DCC: variants seen among roughly 807,000 people sequenced by gnomAD.
DCC encodes netrin receptor DCC.
DCC carries 58 observed loss-of-function variants against 172.5 expected under a neutral mutation model. The ratio of observed to expected loss-of-function variants is 0.34; its 90% CI spans 0.27 to 0.42. The LOEUF (loss-of-function observed/expected upper bound fraction) is 0.42, where lower values mean the gene tolerates loss of function less well. Among genes scored for constraint, DCC ranks in the 10% least tolerant of loss-of-function variants. The pLI, the probability that DCC is intolerant of heterozygous loss-of-function variation, is 1.00. For missense variants in DCC, 1,740 were observed against 1,791.0 expected (o/e 0.97, Z 0.51); for synonymous variants, 709 against 644.5 (o/e 1.10, Z -1.52).
chr18:53,051,654 T>C (rs2042335634), intron 5 of DCC, among the ~76,000 whole-genome samples: 1 of 152,150 alleles, frequency 6.6e-6, no homozygotes, highest in Non-Finnish European at 1.5e-5. Context: ...ATTACTCCAT[T>C]GTATTCTGAT....
chr18:52,467,266 A>C (rs2144552511), intron 1 of DCC, among the ~76,000 whole-genome samples: 1 of 151,774 alleles, frequency 6.6e-6, no homozygotes, highest in South Asian at 2.1e-4. Context: ...CTCATTGTTC[A>C]ACTCCCACTT....
chr18:52,978,305 T>C (rs2041155671), intron 5 of DCC, among the ~76,000 whole-genome samples: 1 of 151,706 alleles, frequency 6.6e-6, no homozygotes, highest in African/African-American at 2.4e-5. Flanking sequence ...AGCCTTAGTT[T>C]AAGGAAAGTA....
intron 1 of DCC, among the ~76,000 whole-genome samples, chr18:52,655,934 C>G (rs951031753): frequency 1.3e-5 from 2 of 150,386 alleles, no homozygotes; most frequent in African/African-American, 4.9e-5. Context: ...ATCCCCCCGC[C>G]TGCCCTCTCC....
intron 27 of DCC, among the ~76,000 whole-genome samples, chr18:53,507,394 G>A (rs2046193979): frequency 6.6e-6 from 1 of 152,182 alleles, no homozygotes; most frequent in African/African-American, 2.4e-5. Flanking sequence ...ATGACCTGTA[G>A]TACCTAAAAG....
chr18:53,460,764 A>C (rs539075904), intron 24 of DCC, among the ~76,000 whole-genome samples: 43 of 152,294 alleles, frequency 2.8e-4, no homozygotes, highest in Middle Eastern at 3.4e-3. Context: ...TCTTTATAGC[A>C]GCACGATTTA....
intron 5 of DCC, among the ~76,000 whole-genome samples, chr18:52,953,000 CAAAAAAAAAAAA>C (rs11315976): frequency 9.6e-5 from 5 of 52,220 alleles, no homozygotes; most frequent in East Asian, 8.1e-4. Context: ...TCTCCTGTCT[CAAAAAAAAAAAA>C]AAAAAAAAAA....
intron 3 of DCC, among the ~76,000 whole-genome samples, chr18:52,907,848 C>T (rs1330352157): frequency 6.6e-6 from 1 of 152,124 alleles, no homozygotes; most frequent in African/African-American, 2.4e-5. Flanking sequence ...TGGATGCACA[C>T]ATGTAAGTAA....
intron 1 of DCC, among the ~76,000 whole-genome samples, chr18:52,739,482 T>C (rs2036781869): frequency 6.6e-6 from 1 of 152,024 alleles, no homozygotes; most frequent in South Asian, 2.1e-4. Flanking sequence ...AGGTAGAAAT[T>C]CTCAAAAATA....
chr18:53,052,957 A>G (rs149658087), intron 5 of DCC, among the ~76,000 whole-genome samples: 98 of 152,194 alleles, frequency 6.4e-4, no homozygotes, highest in African/African-American at 2.3e-3. Context: ...AGCTTGGCCA[A>G]TGTGGCAAAA....
At chr18:52,499,630 T>A (rs1386548849) in intron 1 of DCC, among the ~76,000 whole-genome samples, 1 of 152,164 alleles carries the variant, frequency 6.6e-6, no homozygotes, top group Non-Finnish European at 1.5e-5. Flanking sequence ...TTTCAGTGCA[T>A]TTTATTTACC....
At chr18:53,316,271 T>TG (rs925161673) in intron 13 of DCC, among the ~76,000 whole-genome samples, 5 of 152,124 alleles carry the variant, frequency 3.3e-5, no homozygotes, top group Non-Finnish European at 7.4e-5. Context: ...TGTAGATGTG[T>TG]GGTGTTATTT....
chr18:52,717,447 TTC>T (rs1491409744), intron 1 of DCC, among the ~76,000 whole-genome samples: 1 of 147,492 alleles, frequency 6.8e-6, no homozygotes, highest in African/African-American at 2.5e-5. Flanking sequence ...TTTTTTTTTT[TTC>T]CAAAAAAAGG....
chr18:52,552,302 G>A (rs1250556022), intron 1 of DCC, among the ~76,000 whole-genome samples: 1 of 151,974 alleles, frequency 6.6e-6, no homozygotes, highest in African/African-American at 2.4e-5. Flanking sequence ...TCCAAGAAAA[G>A]GAATTGTTAT....
intron 27 of DCC, among the ~76,000 whole-genome samples, chr18:53,503,959 A>AACTC (rs2046137126): frequency 6.6e-6 from 1 of 152,228 alleles, no homozygotes. Flanking sequence ...ACAAGTCCAA[A>AACTC]ACTCACTTCA....
At chr18:53,069,985 T>C (rs1350367273) in intron 7 of DCC, among the ~76,000 whole-genome samples, 2 of 142,794 alleles carry the variant, frequency 1.4e-5, no homozygotes, top group Non-Finnish European at 3.0e-5. Flanking sequence ...AGATAAAGCT[T>C]TTTTTTTTTT....
At chr18:52,522,933 C>T (rs1483912878) in intron 1 of DCC, among the ~76,000 whole-genome samples, 6 of 152,118 alleles carry the variant, frequency 3.9e-5, no homozygotes, top group South Asian at 4.1e-4. Flanking sequence ...AGTTTGAGAA[C>T]GGGACCCAGC....
intron 25 of DCC, among the ~76,000 whole-genome samples, chr18:53,482,080 G>A (rs1273975419): frequency 2.6e-5 from 4 of 152,100 alleles, no homozygotes; most frequent in African/African-American, 9.7e-5. Flanking sequence ...GTGTTTGTGT[G>A]TGTGTGTATT....
At chr18:52,423,941 G>T (rs1279916377) in intron 1 of DCC, among the ~76,000 whole-genome samples, 3 of 151,980 alleles carry the variant, frequency 2.0e-5, no homozygotes, top group Non-Finnish European at 4.4e-5. Context: ...AGACCCTTTC[G>T]CTTCCGTTCC....
chr18:53,110,382 A>G (rs1274936783), intron 7 of DCC, among the ~76,000 whole-genome samples: 2 of 151,702 alleles, frequency 1.3e-5, no homozygotes. Context: ...ATTGGAGGTT[A>G]AGCAAAATAA....
Sources: allele counts gnomAD v4.1 joint callset (sites outside exome capture counted in the v4.1 genomes callset), GRCh38; gene constraint gnomAD v4.1.1; transcripts MANE v1.5; gene names NCBI Gene and HGNC (gene_info 2026-07-23, HGNC 2026-07-21).